Variants in PKP2 observed in about 807,000 individuals in gnomAD.
PKP2 encodes plakophilin-2.
A neutral mutation model predicts 83.4 loss-of-function variants in PKP2; 73 were observed. That is an observed-to-expected ratio of 0.88 (90% CI 0.72 to 1.06). The LOEUF is 1.06. Ranked by LOEUF, PKP2 falls within the 50% of genes least tolerant of loss-of-function variation. The pLI is 0.00. For missense variants in PKP2, 966 were observed against 1,065.4 expected (o/e 0.91, Z 1.30); for synonymous variants, 409 against 430.4 (o/e 0.95, Z 0.62).
rs1408272849 is a variant in PKP2, at chr12:32,792,484, A to C, written c.2454T>G (p.Phe818Leu). ...ELHHAYKKAQ[F>L]KKTDFVNSRT... ...GGCTGTTGACAAAATCTGTCTTCTTAAACTGAGCCTTTGGAATAAGCAAAC... is the reference window on the plus strand; with the variant it reads ...GGCTGTTGACAAAATCTGTCTTCTTCAACTGAGCCTTTGGAATAAGCAAAC... Residue 818 changes from phenylalanine to leucine, a missense_variant, in exon 13 of 13, where the codon TTT (phenylalanine) becomes TTG (leucine). Phe to Leu is a conservative substitution (Grantham distance 22). Coordinates refer to ENST00000340811, the MANE Select transcript of PKP2 (RefSeq NM_001005242.3). The C allele has an allele frequency of 3.7e-6, 6 of 1,613,480 alleles. No homozygotes were observed. The highest frequency in any genetic ancestry group is 5.1e-6 in the Non-Finnish European group (6 of 1,179,512).
intron 3 of PKP2, among the ~76,000 whole-genome samples, chr12:32,875,696 C>T (rs1458951031): frequency 3.3e-5 from 5 of 152,032 alleles, no homozygotes; most frequent in African/African-American, 1.2e-4. Flanking sequence ...AAATTCAAGA[C>T]CCATCATAGA....
chr12:32,826,423 T>A (rs1956443036), intron 6 of PKP2, among the ~76,000 whole-genome samples: 1 of 152,128 alleles, frequency 6.6e-6, no homozygotes, highest in South Asian at 2.1e-4. Context: ...AAAACCCGAC[T>A]GTTTTAACCC....
At chr12:32,794,933 C>T (rs556698499) in intron 11 of PKP2, among the ~76,000 whole-genome samples, 19 of 152,326 alleles carry the variant, frequency 1.2e-4, no homozygotes, top group African/African-American at 4.6e-4. Flanking sequence ...GTAACATGTA[C>T]ATCCCTGTAC....
At chr12:32,831,375 T>G (rs563715091) in intron 6 of PKP2, among the ~76,000 whole-genome samples, 1 of 152,350 alleles carries the variant, frequency 6.6e-6, no homozygotes, top group South Asian at 2.1e-4. Flanking sequence ...ATGATAGTCT[T>G]AAATTTTTTG....
At chr12:32,808,042 T>C (rs1398331466) in intron 9 of PKP2, among the ~76,000 whole-genome samples, 1 of 152,200 alleles carries the variant, frequency 6.6e-6, no homozygotes, top group Non-Finnish European at 1.5e-5. Flanking sequence ...TGGGGTTCTC[T>C]CCATTTCCTG....
intron 11 of PKP2, among the ~76,000 whole-genome samples, chr12:32,793,090 AT>A (rs1956087156): frequency 6.6e-6 from 1 of 151,966 alleles, no homozygotes; most frequent in Admixed American, 6.6e-5. Flanking sequence ...AAAATACAAA[AT>A]CTAGCTGGGC....
At chr12:32,859,252 T>C (rs1956778879) in intron 4 of PKP2, among the ~76,000 whole-genome samples, 1 of 152,200 alleles carries the variant, frequency 6.6e-6, no homozygotes. Flanking sequence ...GAGAGCTCTG[T>C]AATTAGTGAT....
chr12:32,797,438 CCT>C (rs1956136365), intron 10 of PKP2, among the ~76,000 whole-genome samples: 1 of 8,442 alleles, frequency 1.2e-4, no homozygotes, highest in Non-Finnish European at 6.3e-4. Flanking sequence ...AGAGAGAGAC[CCT>C]GTCTCAAAAA....
At chr12:32,844,975 T>C (rs1366268226) in intron 5 of PKP2, among the ~76,000 whole-genome samples, 1 of 152,232 alleles carries the variant, frequency 6.6e-6, no homozygotes, top group African/African-American at 2.4e-5. Flanking sequence ...TGGGTTTTCA[T>C]GTGTCTCATC....
intron 4 of PKP2, among the ~76,000 whole-genome samples, chr12:32,855,122 T>C (rs1956733942): frequency 6.6e-6 from 1 of 152,250 alleles, no homozygotes; most frequent in African/African-American, 2.4e-5. Context: ...TATTCACTTC[T>C]AGTAACTTTT....
intron 11 of PKP2, among the ~76,000 whole-genome samples, chr12:32,793,893 C>T (rs143414538): frequency 2.8e-3 from 422 of 152,188 alleles, no homozygotes; most frequent in Non-Finnish European, 3.0e-3. Context: ...CTGTGCCCAG[C>T]CCATGTTCTG....
At chr12:32,842,952 C>T (rs190662123) in intron 5 of PKP2, among the ~76,000 whole-genome samples, 7 of 151,662 alleles carry the variant, frequency 4.6e-5, no homozygotes, top group African/African-American at 9.7e-5. Flanking sequence ...AGATTACAGG[C>T]GTGAGCCACT....
chr12:32,803,551 TC>T (rs1332976567), intron 9 of PKP2, among the ~76,000 whole-genome samples: 5 of 152,254 alleles, frequency 3.3e-5, no homozygotes, highest in Non-Finnish European at 5.9e-5. Context: ...TAGTATTTAA[TC>T]TTTTTCTATC....
chr12:32,858,157 T>C (rs1471271911), intron 4 of PKP2, among the ~76,000 whole-genome samples: 1 of 126,248 alleles, frequency 7.9e-6, no homozygotes, highest in East Asian at 2.1e-4. Flanking sequence ...TATATAAATA[T>C]ATATAAAAGC....
chr12:32,881,600 T>TA (rs1341524705), intron 1 of PKP2, among the ~76,000 whole-genome samples: 1 of 152,118 alleles, frequency 6.6e-6, no homozygotes, highest in Non-Finnish European at 1.5e-5. Context: ...GTTGGATCCT[T>TA]AAGGACGCTG....
At chr12:32,851,934 G>C (rs1956699968) in intron 4 of PKP2, among the ~76,000 whole-genome samples, 1 of 152,108 alleles carries the variant, frequency 6.6e-6, no homozygotes, top group African/African-American at 2.4e-5. Flanking sequence ...TTAGAGAAAG[G>C]GCACAACCAG....
At chr12:32,886,089 C>T (rs992537820) in intron 1 of PKP2, among the ~76,000 whole-genome samples, 17 of 152,232 alleles carry the variant, frequency 1.1e-4, no homozygotes, top group African/African-American at 4.1e-4. Flanking sequence ...AGCAGGTGTT[C>T]GCTATTAGTA....
chr12:32,816,387 T>G (rs1285318398), intron 9 of PKP2, among the ~76,000 whole-genome samples: 1 of 152,222 alleles, frequency 6.6e-6, no homozygotes, highest in African/African-American at 2.4e-5. Flanking sequence ...GGCTTCCAGA[T>G]GCATCCATGT....
At chr12:32,854,005 G>C (rs1472267668) in intron 4 of PKP2, among the ~76,000 whole-genome samples, 1 of 152,136 alleles carries the variant, frequency 6.6e-6, no homozygotes, top group Non-Finnish European at 1.5e-5. Flanking sequence ...ATGAATGCCA[G>C]ATATACCAAA....
Sources: gnomAD v4.1 joint callset for allele counts (sites outside exome capture counted in the v4.1 genomes callset) on GRCh38, gnomAD v4.1.1 for gene constraint, MANE v1.5 for transcripts, NCBI Gene and HGNC (gene_info 2026-07-23, HGNC 2026-07-21) for gene names.